Variants in RBFOX1 observed in about 807,000 individuals in gnomAD.
RBFOX1 encodes the protein RNA binding fox-1 homolog 1.
A neutral mutation model predicts 57.7 loss-of-function variants in RBFOX1; 8 were observed. The ratio of observed to expected loss-of-function variants is 0.14; its 90% CI spans 0.08 to 0.25. The LOEUF is 0.25. RBFOX1 is among the 10% of genes least tolerant of loss of function. The pLI is 1.00. For missense variants in RBFOX1, 611 were observed against 548.5 expected (o/e 1.11, Z -1.14); for synonymous variants, 326 against 222.4 (o/e 1.47, Z -4.15).
chr16:7,543,805 C>T (rs1051833936), intron 5 of RBFOX1, among the ~76,000 whole-genome samples: 4 of 152,090 alleles, frequency 2.6e-5, no homozygotes, highest in Non-Finnish European at 1.5e-5. Flanking sequence ...ACTGCAACCT[C>T]TACCTCCTTG....
At chr16:7,021,610 AAATAT>A (rs1383436320) in intron 3 of RBFOX1, among the ~76,000 whole-genome samples, 3 of 146,526 alleles carry the variant, frequency 2.0e-5, no homozygotes, top group Non-Finnish European at 4.5e-5. Flanking sequence ...ATTTTTTATA[AAATAT>A]AATATTTTAT....
chr16:6,501,126 A>G (rs1452566766), intron 2 of RBFOX1, among the ~76,000 whole-genome samples: 1 of 134,264 alleles, frequency 7.4e-6, no homozygotes, highest in East Asian at 2.1e-4. Context: ...TGCCAGTTAA[A>G]CATTCTTTTT....
intron 2 of RBFOX1, among the ~76,000 whole-genome samples, chr16:6,351,094 C>T (rs991769461): frequency 6.6e-6 from 1 of 152,006 alleles, no homozygotes; most frequent in African/African-American, 2.4e-5. Context: ...ACTTACGAAG[C>T]AGGAGTTTTA....
chr16:7,400,933 A>C (rs750317460), intron 4 of RBFOX1, among the ~76,000 whole-genome samples: 1 of 152,208 alleles, frequency 6.6e-6, no homozygotes, highest in Non-Finnish European at 1.5e-5. Context: ...GAAGTCTCAC[A>C]TACCACCACG....
intron 1 of RBFOX1, among the ~76,000 whole-genome samples, chr16:5,344,655 C>G: frequency 6.6e-6 from 1 of 152,186 alleles, no homozygotes; most frequent in East Asian, 1.9e-4. Flanking sequence ...CAGGGGAAAC[C>G]TGGCTGGAAT....
intron 4 of RBFOX1, among the ~76,000 whole-genome samples, chr16:7,302,429 C>T (rs2096056831): frequency 1.3e-5 from 2 of 152,066 alleles, no homozygotes; most frequent in Admixed American, 6.5e-5. Flanking sequence ...GGGGTGAGCC[C>T]TGAGGAGGAG....
At chr16:6,994,851 A>T (rs951837937) in intron 3 of RBFOX1, among the ~76,000 whole-genome samples, 1 of 152,202 alleles carries the variant, frequency 6.6e-6, no homozygotes, top group Admixed American at 6.6e-5. Context: ...GATGGTAGAC[A>T]CAAGGTGAGA....
At chr16:6,411,551 T>A (rs775162824) in intron 2 of RBFOX1, among the ~76,000 whole-genome samples, 2 of 152,216 alleles carry the variant, frequency 1.3e-5, no homozygotes, top group African/African-American at 2.4e-5. Context: ...GACTGCTTTT[T>A]CTATGGCCAT....
At chr16:5,398,285 G>T (rs1346534717) in intron 1 of RBFOX1, among the ~76,000 whole-genome samples, 3 of 151,694 alleles carry the variant, frequency 2.0e-5, no homozygotes, top group African/African-American at 7.3e-5. Flanking sequence ...TGGTGTGTGT[G>T]CATGTGTGCT....
intron 3 of RBFOX1, among the ~76,000 whole-genome samples, chr16:6,970,068 C>T (rs934843548): frequency 6.6e-6 from 1 of 152,040 alleles, no homozygotes; most frequent in South Asian, 2.1e-4. Context: ...GTTCCAGCTA[C>T]TTGGGAGGCT....
At chr16:6,916,090 G>A (rs1056175276) in intron 3 of RBFOX1, among the ~76,000 whole-genome samples, 1 of 152,116 alleles carries the variant, frequency 6.6e-6, no homozygotes, top group Admixed American at 6.6e-5. Flanking sequence ...TATACCTTAG[G>A]GAAAGGGCAT....
intron 2 of RBFOX1, among the ~76,000 whole-genome samples, chr16:6,614,166 A>G (rs1361393471): frequency 1.3e-5 from 2 of 152,188 alleles, no homozygotes; most frequent in South Asian, 2.1e-4. Context: ...TTTTCTACAG[A>G]TCATATCATT....
chr16:7,504,729 ATATATATAT>A (rs2072294666), intron 4 of RBFOX1, among the ~76,000 whole-genome samples: 1 of 7,128 alleles, frequency 1.4e-4, no homozygotes, highest in East Asian at 1.8e-3. Context: ...ATATATATAT[ATATATATAT>A]ATATATATAT....
At chr16:6,638,305 T>A (rs188187247) in intron 2 of RBFOX1, among the ~76,000 whole-genome samples, 3 of 152,158 alleles carry the variant, frequency 2.0e-5, no homozygotes, top group Non-Finnish European at 4.4e-5. Flanking sequence ...GAATTAAAAT[T>A]AGTGTTTTAA....
intron 14 of RBFOX1, among the ~76,000 whole-genome samples, chr16:7,691,164 G>T (rs1045979715): frequency 6.6e-6 from 1 of 151,938 alleles, no homozygotes; most frequent in Non-Finnish European, 1.5e-5. Flanking sequence ...ATACTTAACT[G>T]GTAGCTGTTA....
intron 1 of RBFOX1, among the ~76,000 whole-genome samples, chr16:6,024,298 G>C (rs917838387): frequency 6.6e-6 from 1 of 152,110 alleles, no homozygotes; most frequent in African/African-American, 2.4e-5. Context: ...ATTGTCGTGG[G>C]GGAAGCCGCG....
intron 4 of RBFOX1, among the ~76,000 whole-genome samples, chr16:5,881,753 T>C (rs897514157): frequency 6.6e-6 from 1 of 152,196 alleles, no homozygotes; most frequent in Non-Finnish European, 1.5e-5. Context: ...CTAGGTGGTA[T>C]AGTAAGACTT....
In RBFOX1 at chr16:7,034,606, C is replaced by G. The variant is rs149622535; in HGVS notation, c.-15-17451C>G. On this transcript the variant is annotated intron_variant, in intron 3 of 15. Coordinates refer to ENST00000550418, the MANE Select transcript of RBFOX1 (RefSeq NM_018723.4). ...TGAAATATCCAGAGAAGATCCCTGG[C>G]AATGTTTTTGTGTCTATCTCATTGA... 5.4e-3 allele frequency among the ~76,000 whole-genome samples: 815 copies of G among 151,934 alleles called. 5 individuals are homozygous for G. Among genetic ancestry groups the G allele is most frequent in the African/African-American group, 0.018 (743 of 41,426 alleles).
chr16:7,250,902 G>A (rs534748883), intron 4 of RBFOX1, among the ~76,000 whole-genome samples: 2 of 152,268 alleles, frequency 1.3e-5, no homozygotes, highest in South Asian at 4.1e-4. Context: ...AATTGACAAA[G>A]ATGGTATACA....
Sources: gnomAD v4.1 joint callset for allele counts (sites outside exome capture counted in the v4.1 genomes callset) on GRCh38, gnomAD v4.1.1 for gene constraint, MANE v1.5 for transcripts, NCBI Gene and HGNC (gene_info 2026-07-23, HGNC 2026-07-21) for gene names.